The following LGSN variants were observed in gnomAD, a reference collection of about 807,000 sequenced individuals.
LGSN encodes the protein lengsin, lens protein with glutamine synthetase domain.
Under a neutral mutation model 19.5 loss-of-function variants are expected in LGSN, and 21 were observed. The ratio of observed to expected loss-of-function variants is 1.07; its 90% CI spans 0.76 to 1.55. The LOEUF is 1.55. LGSN is among the 40% of genes most tolerant of loss of function. The pLI is 0.00. For synonymous variants in LGSN, 257 were observed against 215.6 expected, an observed-to-expected ratio of 1.19 and a Z score of -1.68; for missense variants, 673 against 608.5, an observed-to-expected ratio of 1.11 and a Z score of -1.12.
chr6:63,361,420 T>G, the LGSN span, among the ~76,000 whole-genome samples: 41 of 152,308 alleles, frequency 2.7e-4, no homozygotes, highest in Admixed American at 2.0e-3. Context: ...GTGTTGGTGA[T>G]GAGCAAGGCT....
At chr6:63,557,410 A>G in the LGSN span, among the ~76,000 whole-genome samples, 2 of 152,186 alleles carry the variant, frequency 1.3e-5, no homozygotes. Context: ...TACTAAAAAT[A>G]CAAAAATTAT....
the LGSN span, among the ~76,000 whole-genome samples, chr6:63,412,771 G>GA: frequency 0.013 from 442 of 34,254 alleles, 32 homozygotes; most frequent in African/African-American, 0.049. Flanking sequence ...AAGAAAGAAA[G>GA]GAAGGAAGGG....
chr6:63,451,997 CTG>C, the LGSN span, among the ~76,000 whole-genome samples: 1 of 149,398 alleles, frequency 6.7e-6, no homozygotes, highest in Non-Finnish European at 1.5e-5. Context: ...AAAAAATACT[CTG>C]TTAAGAATTT....
At chr6:63,442,521 A>T in the LGSN span, among the ~76,000 whole-genome samples, 25 of 152,326 alleles carry the variant, frequency 1.6e-4, no homozygotes, top group South Asian at 3.9e-3. Flanking sequence ...ACAATCCTCT[A>T]GCTAGACATA....
the LGSN span, among the ~76,000 whole-genome samples, chr6:63,502,086 C>T: frequency 6.6e-6 from 1 of 152,224 alleles, no homozygotes; most frequent in Non-Finnish European, 1.5e-5. Flanking sequence ...AGGCATGAGT[C>T]CCTGTGCCTG....
chr6:63,337,561 G>T, the LGSN span, among the ~76,000 whole-genome samples: 1 of 151,938 alleles, frequency 6.6e-6, no homozygotes. Context: ...CAGCACTTTA[G>T]GAGGCCAAGG....
the LGSN span, among the ~76,000 whole-genome samples, chr6:63,463,460 C>T: frequency 6.6e-6 from 1 of 151,994 alleles, no homozygotes; most frequent in Non-Finnish European, 1.5e-5. Context: ...CTAAAATATT[C>T]GTATTTGAGA....
At chr6:63,329,202 C>A in the LGSN span, among the ~76,000 whole-genome samples, 1 of 152,146 alleles carries the variant, frequency 6.6e-6, no homozygotes, top group African/African-American at 2.4e-5. Flanking sequence ...TGGGCCAGTG[C>A]CTGACCAAAC....
At chr6:63,539,648 A>G in the LGSN span, among the ~76,000 whole-genome samples, 8 of 152,136 alleles carry the variant, frequency 5.3e-5, no homozygotes, top group African/African-American at 1.9e-4. Context: ...CTGTGCCTGT[A>G]GTCCCAGCTA....
At chr6:63,455,968 G>A in the LGSN span, among the ~76,000 whole-genome samples, 225 of 151,610 alleles carry the variant, frequency 1.5e-3, no homozygotes, top group African/African-American at 5.2e-3. Context: ...AGTGGCTCAC[G>A]CCTGTAATCC....
chr6:63,495,395 C>G, the LGSN span, among the ~76,000 whole-genome samples: 1 of 151,470 alleles, frequency 6.6e-6, no homozygotes, highest in Non-Finnish European at 1.5e-5. Context: ...CACTAATACT[C>G]TGCTGTAGAT....
At chr6:63,392,280 T>C in the LGSN span, 1 of 152,410 alleles carries the variant, frequency 6.6e-6, no homozygotes, top group African/African-American at 2.4e-5. Context: ...CTAGGGCTGC[T>C]CCTGGCCCTG....
At chr6:63,356,085 G>A in the LGSN span, among the ~76,000 whole-genome samples, 11 of 152,138 alleles carry the variant, frequency 7.2e-5, no homozygotes, top group East Asian at 7.7e-4. Flanking sequence ...TAAGGACACC[G>A]GTTATATTGC....
At chr6:63,428,313 A>C in the LGSN span, among the ~76,000 whole-genome samples, 1 of 152,106 alleles carries the variant, frequency 6.6e-6, no homozygotes, top group African/African-American at 2.4e-5. Flanking sequence ...TTATTTTCAG[A>C]ACTGGACAAA....
At chr6:63,566,652 C>T in the LGSN span, among the ~76,000 whole-genome samples, 1 of 152,202 alleles carries the variant, frequency 6.6e-6, no homozygotes, top group African/African-American at 2.4e-5. Flanking sequence ...GAGAATCCTG[C>T]CTCAGTGATG....
chr6:63,442,798 C>G, the LGSN span, among the ~76,000 whole-genome samples: 4 of 150,606 alleles, frequency 2.7e-5, no homozygotes, highest in Non-Finnish European at 4.4e-5. Context: ...CCACAAACCC[C>G]GAGCTAGACA....
the LGSN span, among the ~76,000 whole-genome samples, chr6:63,403,286 A>C: frequency 1.1e-4 from 17 of 152,244 alleles, no homozygotes; most frequent in African/African-American, 3.6e-4. Flanking sequence ...GGTTGGGCTA[A>C]GGTCAGGAGG....
the LGSN span, among the ~76,000 whole-genome samples, chr6:63,491,424 A>G: frequency 8.2e-6 from 1 of 122,068 alleles, no homozygotes; most frequent in Non-Finnish European, 1.6e-5. Context: ...CTCAAAACAC[A>G]CCAAAGCCAA....
At chr6:63,555,743 G>C in the LGSN span, among the ~76,000 whole-genome samples, 1 of 150,238 alleles carries the variant, frequency 6.7e-6, no homozygotes, top group Non-Finnish European at 1.5e-5. Context: ...ACCCAGCCTG[G>C]AGTGCAATGG....
Sources: allele counts gnomAD v4.1 joint callset (sites outside exome capture counted in the v4.1 genomes callset), GRCh38; gene constraint gnomAD v4.1.1; transcripts MANE v1.5; gene names NCBI Gene and HGNC (gene_info 2026-07-23, HGNC 2026-07-21).